GVQW3: variants seen among roughly 807,000 people sequenced by gnomAD.
GVQW3 encodes protein GVQW3.
GVQW3 carries 7 observed loss-of-function variants against 12.5 expected under a neutral mutation model. The ratio of observed to expected loss-of-function variants is 0.56; its 90% CI spans 0.32 to 1.05. GVQW3 has a LOEUF of 1.05. Among genes scored for constraint, GVQW3 ranks in the 50% least tolerant of loss-of-function variants. The probability of loss-of-function intolerance (pLI) is 0.04; values close to 1 mark genes in which losing one functional copy is unlikely to be tolerated. For missense variants in GVQW3, 188 were observed against 190.8 expected (o/e 0.99, Z 0.09); for synonymous variants, 71 against 67.2 (o/e 1.06, Z -0.28).
At chr11:76,400,518 T>A (rs1946979900) in intron 1 of GVQW3, among the ~76,000 whole-genome samples, 1 of 152,196 alleles carries the variant, frequency 6.6e-6, no homozygotes, top group South Asian at 2.1e-4. Context: ...CCTCCTGGGT[T>A]CGAGCGATTC....
intron 1 of GVQW3, 87 bp downstream of exon 1, chr11:76,382,380 C>T (rs1486672048): frequency 1.2e-6 from 1 of 859,136 alleles, no homozygotes; most frequent in African/African-American, 1.7e-5. Flanking sequence ...GAGTCCACTA[C>T]TCTGCCAGTC....
chr11:76,387,987 C>A (rs905127272), intron 1 of GVQW3, among the ~76,000 whole-genome samples: 1 of 152,110 alleles, frequency 6.6e-6, no homozygotes, highest in African/African-American at 2.4e-5. Context: ...TAAACTAAAG[C>A]TGAATGATTG....
chr11:76,408,360 C>T (rs1947061149), downstream of GVQW3: 1 of 152,148 alleles, frequency 6.6e-6, no homozygotes, highest in Non-Finnish European at 1.5e-5. Flanking sequence ...TCCTCTAGGG[C>T]TTTGTAAACT....
chr11:76,387,945 A>G (rs1474632432), intron 1 of GVQW3, among the ~76,000 whole-genome samples: 1 of 152,152 alleles, frequency 6.6e-6, no homozygotes, highest in Non-Finnish European at 1.5e-5. Context: ...GAAATTGTGG[A>G]ATATTGGAGG....
chr11:76,387,741 G>A (rs528919036), intron 1 of GVQW3, among the ~76,000 whole-genome samples: 193 of 152,212 alleles, frequency 1.3e-3, no homozygotes, highest in Middle Eastern at 6.8e-3. Context: ...GGCCAACATG[G>A]TGAAACCCCA....
At position 76,401,509 on chromosome 11, in the gene GVQW3, C is replaced by G. The variant is rs541112360; in HGVS notation, c.466-2151C>G. ...ATTTATCTTGCCGGGCGTGGTGGCTCACGCCTGTAGTCCCAGCACTTTGGG... is the reference window on the plus strand; with the variant it reads ...ATTTATCTTGCCGGGCGTGGTGGCTGACGCCTGTAGTCCCAGCACTTTGGG... On this transcript the variant is annotated intron_variant, in intron 1 of 1. Coordinates refer to ENST00000529331, the MANE Select transcript of GVQW3 (RefSeq NM_001347885.2). 5.7e-3 allele frequency among the ~76,000 whole-genome samples: 874 copies of G among 152,126 alleles called. 10 individuals carry two copies. The highest frequency in any genetic ancestry group is 0.01 in the Non-Finnish European group (698 of 68,000).
rs904830492 is a variant in GVQW3, at chr11:76,381,391, C to A, written c.-438C>A. 1 of 155,926 alleles carries A rather than the reference C, an allele frequency of 6.4e-6. No homozygotes were observed. Among genetic ancestry groups the A allele is most frequent in the Non-Finnish European group, 1.4e-5 (1 of 70,734 alleles). 9.7% of individuals were successfully genotyped at this position (155,926 alleles called of 1,614,324 possible). A position where few individuals can be genotyped will look rare whatever the true frequency, so the allele number is the denominator to read the frequency against. On this transcript the variant is annotated 5_prime_UTR_variant, in exon 1 of 2. Coordinates refer to ENST00000529331, the MANE Select transcript of GVQW3 (RefSeq NM_001347885.2). Reference sequence around the variant, plus strand: ...GCTGCTCCGGTAGGTTTGGCGTGCGCGGGTTTCTGCAGATCTAGGGCGAGC... The same window carrying A: ...GCTGCTCCGGTAGGTTTGGCGTGCGAGGGTTTCTGCAGATCTAGGGCGAGC...
rs909239986 is a variant in GVQW3 at position 76,382,174 on chromosome 11, A to G, written c.346A>G (p.Lys116Glu). 1 of 1,536,132 alleles carries G rather than the reference A, an allele frequency of 6.5e-7. No individual in the cohort carries two copies. Among genetic ancestry groups the G allele is most frequent in the African/African-American group, 1.4e-5 (1 of 73,064 alleles). ...TTTGAAAGAAAACTTGAACATGAGGAAGATTTCTGCAAAAGTTATTTCGGG... is the reference window on the plus strand; with the variant it reads ...TTTGAAAGAAAACTTGAACATGAGGGAGATTTCTGCAAAAGTTATTTCGGG... The part of the protein sequence containing the change: ...LILKENLNMR[K>E]ISAKVISGVL... The change falls in exon 1 of 2, where the codon AAG (lysine) becomes GAG (glutamate). Residue 116 changes from lysine to glutamate, a missense_variant. Transcript: ENST00000529331.
In GVQW3 at chr11:76,381,659, TG is replaced by T; in HGVS notation, c.-168del. On this transcript the variant is annotated 5_prime_UTR_variant, in exon 1 of 2. An upstream open reading frame in the 5' UTR loses its in-frame stop. Transcript: ENST00000529331. Reference sequence around the variant, plus strand: ...CAGAACGGATCTCCCCAGCCTCGACTGGAAGCTGAGGGACAAAAATTCATAA... The same window carrying T: ...CAGAACGGATCTCCCCAGCCTCGACTGAAGCTGAGGGACAAAAATTCATAA... 1 of 631,076 alleles carries T rather than the reference TG, an allele frequency of 1.6e-6. No homozygotes were observed. Among genetic ancestry groups the T allele is most frequent in the Non-Finnish European group, 2.6e-6 (1 of 382,058 alleles). The allele number at this position is 631,076 out of a possible 1,614,324, so 39.1% of individuals were successfully genotyped here. A position where few individuals can be genotyped will look rare whatever the true frequency, so the allele number is the denominator to read the frequency against.
intron 1 of GVQW3, among the ~76,000 whole-genome samples, chr11:76,397,850 A>G (rs1326749802): frequency 1.3e-5 from 2 of 152,194 alleles, no homozygotes; most frequent in Non-Finnish European, 2.9e-5. Context: ...ATGTTTGAAA[A>G]TGGGCCGGTT....
intron 1 of GVQW3, among the ~76,000 whole-genome samples, chr11:76,401,408 T>C (rs578129415): frequency 3.8e-4 from 58 of 152,294 alleles, no homozygotes; most frequent in African/African-American, 1.0e-3. Flanking sequence ...TGCTTCAGCC[T>C]AAAGCTAAGA....
intron 1 of GVQW3, among the ~76,000 whole-genome samples, chr11:76,397,006 T>C (rs984035766): frequency 4.8e-5 from 7 of 146,584 alleles, no homozygotes; most frequent in Admixed American, 4.7e-4. Context: ...TTATTCCTTT[T>C]TTTTTTTTTT....
At chr11:76,392,822 G>A (rs1284260897) in intron 1 of GVQW3, 3 of 152,154 alleles carry the variant, frequency 2.0e-5, no homozygotes, top group Non-Finnish European at 2.9e-5. Flanking sequence ...CCCAAGTAGT[G>A]TGTTATGTTT....
At chr11:76,403,096 C>T (rs1947007203) in intron 1 of GVQW3, among the ~76,000 whole-genome samples, 5 of 151,898 alleles carry the variant, frequency 3.3e-5, no homozygotes, top group East Asian at 1.9e-4. Context: ...TACAGGGGCA[C>T]GCCACCACAC....
At chr11:76,397,868 C>T (rs1946953260) in intron 1 of GVQW3, among the ~76,000 whole-genome samples, 1 of 152,128 alleles carries the variant, frequency 6.6e-6, no homozygotes, top group African/African-American at 2.4e-5. Flanking sequence ...GTTGCAGTGG[C>T]TTATGCCTGT....
Position 76,407,856 on chromosome 11 carries a change from T to C in GVQW3, c.*4098T>C, listed in dbSNP as rs1325067636. 1.3e-5 allele frequency: 2 copies of C among 152,112 alleles called. No individual in the cohort carries two copies. The highest frequency in any genetic ancestry group is 4.8e-5 in the African/African-American group (2 of 41,442). 9.4% of individuals were successfully genotyped at this position (152,112 alleles called of 1,614,324 possible). Reference sequence around the variant, plus strand: ...TGTTTTTAAAGAACTGTCAATGATGTTTGAAGATGTTCACAATAAGATAGG... The same window carrying C: ...TGTTTTTAAAGAACTGTCAATGATGCTTGAAGATGTTCACAATAAGATAGG... On this transcript the variant is annotated 3_prime_UTR_variant, in exon 2 of 2. Transcript: ENST00000529331.
chr11:76,400,992 C>T (rs1946983836), intron 1 of GVQW3, among the ~76,000 whole-genome samples: 2 of 151,572 alleles, frequency 1.3e-5, no homozygotes, highest in South Asian at 4.1e-4. Context: ...CTTTCTCCTC[C>T]ATACTATTCT....
chr11:76,392,857 C>A (rs941372865), intron 1 of GVQW3: 2 of 152,156 alleles, frequency 1.3e-5, no homozygotes, highest in African/African-American at 2.4e-5. Flanking sequence ...TTCTCATACA[C>A]GTTTTTAAAA....
downstream of GVQW3, chr11:76,412,146 C>G (rs1947083999): frequency 6.6e-6 from 1 of 152,216 alleles, no homozygotes; most frequent in Non-Finnish European, 1.5e-5. Context: ...ACATGCCAGA[C>G]ATTGTGTGAG....
Sources: gnomAD v4.1 joint callset for allele counts (sites outside exome capture counted in the v4.1 genomes callset) on GRCh38, gnomAD v4.1.1 for gene constraint, MANE v1.5 for transcripts, NCBI Gene and HGNC (gene_info 2026-07-23, HGNC 2026-07-21) for gene names.